MTPN: variants seen among roughly 807,000 people sequenced by gnomAD.
MTPN encodes the protein myotrophin.
MTPN carries 2 observed loss-of-function variants against 13.5 expected under a neutral mutation model. The ratio of observed to expected loss-of-function variants is 0.15; its 90% CI spans 0.06 to 0.47. The LOEUF is 0.47. MTPN is among the 20% of genes least tolerant of loss of function. The pLI is 0.97. For synonymous variants in MTPN, 46 were observed against 51.7 expected (o/e 0.89, Z 0.48); for missense variants, 79 against 137.9 (o/e 0.57, Z 2.14).
At chr7:135,957,199 C>T (rs1799454539) in intron 1 of MTPN, among the ~76,000 whole-genome samples, 1 of 151,940 alleles carries the variant, frequency 6.6e-6, no homozygotes. Flanking sequence ...AATGTATATA[C>T]ATAACATACA....
chr7:135,935,191 T>C (rs1471146007), intron 3 of MTPN, among the ~76,000 whole-genome samples: 1 of 152,194 alleles, frequency 6.6e-6, no homozygotes, highest in Non-Finnish European at 1.5e-5. Context: ...TCTCCATTGC[T>C]ACCATCACTT....
At chr7:135,951,700 G>T in intron 1 of MTPN, 70 bp from the exon 2 acceptor site, 1 of 958,158 alleles carries the variant, frequency 1.0e-6, no homozygotes, top group Non-Finnish European at 1.6e-6. Context: ...TGAGGCACCT[G>T]ATACTTTTAC....
At chr7:135,930,270 T>C (rs1221570332) in intron 3 of MTPN, among the ~76,000 whole-genome samples, 1 of 152,204 alleles carries the variant, frequency 6.6e-6, no homozygotes, top group Admixed American at 6.5e-5. Context: ...ATGGATGAGA[T>C]GATTAGGAAG....
At chr7:135,960,115 A>G (rs1256331493) in intron 1 of MTPN, among the ~76,000 whole-genome samples, 1 of 152,130 alleles carries the variant, frequency 6.6e-6, no homozygotes, top group Non-Finnish European at 1.5e-5. Flanking sequence ...GTCATTCCCC[A>G]CAAGGAATCT....
intron 3 of MTPN, among the ~76,000 whole-genome samples, chr7:135,935,344 T>A (rs1799099502): frequency 6.6e-6 from 1 of 152,058 alleles, no homozygotes; most frequent in Admixed American, 6.6e-5. Flanking sequence ...GTTCAAGCAA[T>A]TCTCCTGCCT....
chr7:135,972,192 T>C (rs569430237), intron 1 of MTPN, among the ~76,000 whole-genome samples: 86 of 151,020 alleles, frequency 5.7e-4, no homozygotes, highest in African/African-American at 1.9e-3. Context: ...AGCAAACTGA[T>C]ATGGTTATAA....
At chr7:135,965,866 G>A (rs1158465272) in intron 1 of MTPN, among the ~76,000 whole-genome samples, 1 of 152,044 alleles carries the variant, frequency 6.6e-6, no homozygotes, top group Non-Finnish European at 1.5e-5. Context: ...AACCAACTTT[G>A]AAAACAACAA....
chr7:135,943,624 C>A (rs1439218303), intron 3 of MTPN, among the ~76,000 whole-genome samples: 1 of 152,090 alleles, frequency 6.6e-6, no homozygotes, highest in Non-Finnish European at 1.5e-5. Flanking sequence ...GTTGAGTATA[C>A]CTTTGTTCTC....
intron 1 of MTPN, among the ~76,000 whole-genome samples, chr7:135,976,255 T>G (rs1197184407): frequency 2.6e-5 from 4 of 152,202 alleles, no homozygotes; most frequent in African/African-American, 9.7e-5. Context: ...TCATCATGAT[T>G]TTACCCCCCA....
At chr7:135,936,501 C>T (rs1239890155) in intron 3 of MTPN, among the ~76,000 whole-genome samples, 3 of 152,016 alleles carry the variant, frequency 2.0e-5, no homozygotes, top group African/African-American at 4.8e-5. Flanking sequence ...ACAAAAAAAA[C>T]GGATACAAAT....
chr7:135,940,002 CTAAG>C (rs1217423370), intron 3 of MTPN, among the ~76,000 whole-genome samples: 15 of 152,222 alleles, frequency 9.9e-5, no homozygotes, highest in South Asian at 8.3e-4. Flanking sequence ...ACTATCTTGT[CTAAG>C]TATGTACTAC....
intron 3 of MTPN, among the ~76,000 whole-genome samples, chr7:135,944,510 C>T (rs1316893473): frequency 2.0e-5 from 3 of 151,948 alleles, no homozygotes; most frequent in Admixed American, 2.0e-4. Flanking sequence ...ACCCCCGTCT[C>T]TACTAAAAAT....
At chr7:135,941,280 C>T (rs1370872218) in intron 3 of MTPN, among the ~76,000 whole-genome samples, 1 of 144,492 alleles carries the variant, frequency 6.9e-6, no homozygotes, top group African/African-American at 2.5e-5. Flanking sequence ...GTTCAGATGT[C>T]AAGTGATTTA....
chr7:135,948,132 T>C (rs567859464), intron 3 of MTPN, among the ~76,000 whole-genome samples: 2 of 152,272 alleles, frequency 1.3e-5, no homozygotes, highest in Admixed American at 6.5e-5. Flanking sequence ...ATTATAACTT[T>C]TAAAAGATGC....
rs899158706 is a variant in MTPN at position 135,977,349 on chromosome 7, C to A, written c.-249G>T. 15 of 549,224 alleles carry A rather than the reference C, an allele frequency of 2.7e-5. No individual in the cohort carries two copies. The Admixed American group carries it at 4.4e-4, about 16-fold the overall frequency. The allele number at this position is 549,224 out of a possible 1,614,324, so 34.0% of individuals were successfully genotyped here. A position where few individuals can be genotyped will look rare whatever the true frequency, so the allele number is the denominator to read the frequency against. ...CCGCCTGGCCGAGGAGAGGCAGGAA[C>A]CTTTACACTTCCGGTTCACTCCCCG... On this transcript the variant is annotated 5_prime_UTR_variant, in exon 1 of 4. Coordinates refer to ENST00000393085, the MANE Select transcript of MTPN (RefSeq NM_145808.4).
chr7:135,931,048 C>G (rs773342374), intron 3 of MTPN, among the ~76,000 whole-genome samples: 12 of 152,116 alleles, frequency 7.9e-5, no homozygotes, highest in Non-Finnish European at 1.3e-4. Context: ...ATGCTCTAAT[C>G]CTACAGAATT....
At chr7:135,933,098 CAA>C (rs56865854) in intron 3 of MTPN, among the ~76,000 whole-genome samples, 44 of 63,042 alleles carry the variant, frequency 7.0e-4, no homozygotes, top group South Asian at 5.0e-3. Flanking sequence ...CACTCAGCCT[CAA>C]AAAAAAAAAA....
chr7:135,938,957 T>A (rs1799158417), intron 3 of MTPN, among the ~76,000 whole-genome samples: 1 of 152,178 alleles, frequency 6.6e-6, no homozygotes, highest in Non-Finnish European at 1.5e-5. Flanking sequence ...AAAATAGTTA[T>A]TTTTTACCCT....
At chr7:135,937,106 G>A (rs1304435610) in intron 3 of MTPN, among the ~76,000 whole-genome samples, 1 of 152,026 alleles carries the variant, frequency 6.6e-6, no homozygotes, top group Non-Finnish European at 1.5e-5. Context: ...TATATTATCA[G>A]TTCTTAGCAT....
Sources: gnomAD v4.1 joint callset for allele counts (sites outside exome capture counted in the v4.1 genomes callset) on GRCh38, gnomAD v4.1.1 for gene constraint, MANE v1.5 for transcripts, NCBI Gene and HGNC (gene_info 2026-07-23, HGNC 2026-07-21) for gene names.